Variants in PVT1 observed in about 807,000 individuals in gnomAD.
The protein encoded by PVT1 is Pvt1 oncogene, also known as CXCR4/PVT1 fusion.
At chr8:127,867,060 A>G (rs1815293343) in intron 2 of PVT1, among the ~76,000 whole-genome samples, 1 of 152,242 alleles carries the variant, frequency 6.6e-6, no homozygotes, top group Non-Finnish European at 1.5e-5. Context: ...AGCTCTACCA[A>G]GTGGTTTCCA....
chr8:127,914,352 A>G lies in PVT1; in HGVS notation n.782+23354A>G, dbSNP rs145416424. ...GATGTAGAGAAATTGGAACCCTTGTACATTGCTGGTAGGAATGTAAGATGA... is the reference window on the plus strand; with the variant it reads ...GATGTAGAGAAATTGGAACCCTTGTGCATTGCTGGTAGGAATGTAAGATGA... On this transcript the variant is annotated intron_variant and non_coding_transcript_variant, in intron 3 of 10. Transcript: ENST00000651587. 1.0e-4 allele frequency among the ~76,000 whole-genome samples: 15 copies of G among 148,410 alleles called. No individual in the cohort carries two copies. In the East Asian group the frequency reaches 3.0e-3, roughly 30 times the overall value.
At position 128,009,382 on chromosome 8, in the gene PVT1, T is replaced by C. The variant is rs189122355; in HGVS notation, n.912+20091T>C. 2.2e-4 allele frequency among the ~76,000 whole-genome samples: 33 copies of C among 152,302 alleles called. No homozygotes were observed. In the East Asian group the frequency reaches 6.2e-3, roughly 28 times the overall value. On this transcript the variant is annotated intron_variant and non_coding_transcript_variant, in intron 4 of 10. Coordinates refer to ENST00000651587, the Ensembl canonical transcript of PVT1. ...TGTCCTGCATAAGAACAAGTATCTT[T>C]ATATAAGAAATGTGTTTAATAGCCC...
chr8:127,877,292 C>T (rs963011292), intron 2 of PVT1, among the ~76,000 whole-genome samples: 3 of 152,194 alleles, frequency 2.0e-5, no homozygotes, highest in Non-Finnish European at 2.9e-5. Context: ...GCAAGGGGCC[C>T]GCCCTTTTCA....
At chr8:127,826,352 G>T (rs190189908) in intron 2 of PVT1, among the ~76,000 whole-genome samples, 1 of 152,072 alleles carries the variant, frequency 6.6e-6, no homozygotes, top group Admixed American at 6.6e-5. Flanking sequence ...GTGATTTCTC[G>T]TAAAAATCAG....
At chr8:128,049,269 G>A (rs187559094) in intron 4 of PVT1, 37 of 506,206 alleles carry the variant, frequency 7.3e-5, no homozygotes, top group African/African-American at 6.5e-4. Context: ...AGGTCATTTC[G>A]AGATGTTTGC....
intron 4 of PVT1, among the ~76,000 whole-genome samples, chr8:128,013,456 A>G (rs143319902): frequency 6.6e-6 from 1 of 151,694 alleles, no homozygotes; most frequent in East Asian, 1.9e-4. Context: ...TTCTATTTCT[A>G]TTATGGAATT....
At chr8:127,848,796 A>G (rs1815067619) in intron 2 of PVT1, among the ~76,000 whole-genome samples, 1 of 152,216 alleles carries the variant, frequency 6.6e-6, no homozygotes, top group South Asian at 2.1e-4. Context: ...GGCTGTGGGA[A>G]CAGTTGTGCT....
chr8:128,045,525 G>C (rs138661981), intron 4 of PVT1, among the ~76,000 whole-genome samples: 267 of 152,276 alleles, frequency 1.8e-3, no homozygotes, highest in African/African-American at 6.0e-3. Flanking sequence ...AAAGAGCCTA[G>C]GGCCAGAACC....
exon 4 of PVT1, chr8:127,989,257 C>G (rs1017686349): frequency 6.6e-6 from 1 of 152,192 alleles, no homozygotes; most frequent in Non-Finnish European, 1.5e-5. Context: ...CTTACGTGAC[C>G]TAAAGCTGGA....
chr8:128,045,552 C>T (rs1813600931), intron 4 of PVT1, among the ~76,000 whole-genome samples: 1 of 152,188 alleles, frequency 6.6e-6, no homozygotes, highest in Non-Finnish European at 1.5e-5. Flanking sequence ...CTGCACGCAA[C>T]CCAATGCTTT....
intron 2 of PVT1, among the ~76,000 whole-genome samples, chr8:127,869,727 C>T (rs973627906): frequency 6.6e-6 from 1 of 152,116 alleles, no homozygotes; most frequent in Non-Finnish European, 1.5e-5. Context: ...AATAATTGTA[C>T]CAGATTGAGT....
intron 2 of PVT1, among the ~76,000 whole-genome samples, chr8:127,864,075 A>G (rs1323717823): frequency 1.3e-5 from 2 of 152,160 alleles, no homozygotes; most frequent in Non-Finnish European, 2.9e-5. Flanking sequence ...ATCCAAGGGG[A>G]AAGAAGCCTC....
intron 4 of PVT1, among the ~76,000 whole-genome samples, chr8:128,065,212 G>C (rs1427982224): frequency 6.6e-6 from 1 of 150,558 alleles, no homozygotes; most frequent in Non-Finnish European, 1.5e-5. Context: ...TTTTTTTTGA[G>C]ACACAATTTC....
intron 3 of PVT1, among the ~76,000 whole-genome samples, chr8:127,896,635 T>G (rs1815680469): frequency 6.6e-6 from 1 of 152,158 alleles, no homozygotes; most frequent in Non-Finnish European, 1.5e-5. Context: ...TTTATTTTAT[T>G]TTAAGTTCTG....
At chr8:128,023,755 C>G (rs1817463784) in intron 4 of PVT1, among the ~76,000 whole-genome samples, 1 of 152,174 alleles carries the variant, frequency 6.6e-6, no homozygotes, top group Non-Finnish European at 1.5e-5. Flanking sequence ...CGTGAAGTAG[C>G]TAGGTTCCTA....
At chr8:127,829,449 A>G (rs990878864) in intron 2 of PVT1, among the ~76,000 whole-genome samples, 4 of 152,202 alleles carry the variant, frequency 2.6e-5, no homozygotes, top group Admixed American at 6.5e-5. Flanking sequence ...TTGGCTTCCC[A>G]GAAATCCTTT....
chr8:128,054,459 C>G (rs1302411943), intron 4 of PVT1, among the ~76,000 whole-genome samples: 2 of 152,084 alleles, frequency 1.3e-5, no homozygotes, highest in Non-Finnish European at 2.9e-5. Context: ...GAGGTATGGC[C>G]CAAGGTCTCA....
intron 4 of PVT1, among the ~76,000 whole-genome samples, chr8:128,039,913 G>A (rs955344538): frequency 2.0e-5 from 3 of 152,210 alleles, no homozygotes; most frequent in African/African-American, 7.2e-5. Flanking sequence ...TGGCTATGGG[G>A]TGCCGTAAGA....
chr8:127,984,850 TTTC>T (rs1750110030), intron 3 of PVT1, among the ~76,000 whole-genome samples: 618 of 20,366 alleles, frequency 0.03, 34 homozygotes, highest in African/African-American at 0.064. Flanking sequence ...TCTTTCTTTC[TTTC>T]TTTCTTTCTT....
Sources: gnomAD v4.1 joint callset for allele counts (sites outside exome capture counted in the v4.1 genomes callset) on GRCh38, gnomAD v4.1.1 for gene constraint, MANE v1.5 for transcripts, NCBI Gene and HGNC (gene_info 2026-07-23, HGNC 2026-07-21) for gene names.